The following ZCCHC7 variants were observed in gnomAD, a reference collection of about 807,000 sequenced individuals.
ZCCHC7 encodes zinc finger CCHC domain-containing protein 7.
ZCCHC7 carries 35 observed loss-of-function variants against 52.0 expected under a neutral mutation model. The observed-to-expected ratio is 0.67, with a 90% CI of 0.51 to 0.89. The LOEUF (loss-of-function observed/expected upper bound fraction) is 0.89, where lower values mean the gene tolerates loss of function less well. Ranked by LOEUF, ZCCHC7 falls within the 40% of genes least tolerant of loss-of-function variation. The pLI is 0.00. For synonymous variants in ZCCHC7, 217 were observed against 221.5 expected (o/e 0.98, Z 0.18); for missense variants, 574 against 649.1 (o/e 0.88, Z 1.26).
At chr9:37,251,050 G>A (rs1173180801) in intron 2 of ZCCHC7, among the ~76,000 whole-genome samples, 2 of 152,192 alleles carry the variant, frequency 1.3e-5, no homozygotes, top group East Asian at 3.9e-4. Context: ...CTCAGTCTAG[G>A]CATGATGAGT....
intron 2 of ZCCHC7, among the ~76,000 whole-genome samples, chr9:37,213,925 C>T (rs1824370112): frequency 6.6e-6 from 1 of 151,958 alleles, no homozygotes; most frequent in South Asian, 2.1e-4. Context: ...AGTTGGGAAT[C>T]GGAGATGATA....
At chr9:37,348,130 T>C (rs950316046) in intron 6 of ZCCHC7, among the ~76,000 whole-genome samples, 5 of 152,182 alleles carry the variant, frequency 3.3e-5, no homozygotes, top group African/African-American at 4.8e-5. Context: ...GCTCAGACTC[T>C]TCTGTCTCTA....
intron 6 of ZCCHC7, among the ~76,000 whole-genome samples, chr9:37,332,537 CA>C (rs1275154972): frequency 6.6e-6 from 1 of 151,286 alleles, no homozygotes; most frequent in Non-Finnish European, 1.5e-5. Context: ...TTAAAATTAT[CA>C]TCATAATTTT....
intron 2 of ZCCHC7, among the ~76,000 whole-genome samples, chr9:37,149,909 A>G (rs1449055536): frequency 6.6e-6 from 1 of 152,212 alleles, no homozygotes; most frequent in Admixed American, 6.5e-5. Flanking sequence ...GACGCTGCTA[A>G]AAGAGTCAAA....
intron 6 of ZCCHC7, among the ~76,000 whole-genome samples, chr9:37,337,211 GTT>G (rs1564263464): frequency 1.3e-5 from 2 of 152,098 alleles, no homozygotes; most frequent in African/African-American, 4.8e-5. Context: ...GCACTAAAGA[GTT>G]TATCTGGCTG....
At chr9:37,271,056 C>G (rs1827386682) in intron 2 of ZCCHC7, among the ~76,000 whole-genome samples, 1 of 151,578 alleles carries the variant, frequency 6.6e-6, no homozygotes, top group Non-Finnish European at 1.5e-5. Context: ...GTTTGAACAC[C>G]ACATTTTGCA....
At chr9:37,310,586 G>A (rs978350445) in intron 5 of ZCCHC7, among the ~76,000 whole-genome samples, 1 of 152,084 alleles carries the variant, frequency 6.6e-6, no homozygotes, top group Non-Finnish European at 1.5e-5. Context: ...TAAGTCTAAG[G>A]TCTAAAAGCT....
intron 6 of ZCCHC7, among the ~76,000 whole-genome samples, chr9:37,336,081 A>C (rs1418701394): frequency 6.6e-6 from 1 of 152,188 alleles, no homozygotes; most frequent in Non-Finnish European, 1.5e-5. Context: ...GCTTATGTTA[A>C]TCAGATAAGA....
chr9:37,240,785 A>C (rs192594879), intron 2 of ZCCHC7, among the ~76,000 whole-genome samples: 26 of 151,902 alleles, frequency 1.7e-4, no homozygotes, highest in African/African-American at 6.0e-4. Flanking sequence ...TTAAACAAAA[A>C]ATTTTTTTTC....
intron 2 of ZCCHC7, among the ~76,000 whole-genome samples, chr9:37,253,697 A>G (rs1826438880): frequency 6.6e-6 from 1 of 152,038 alleles, no homozygotes. Flanking sequence ...GGTAACATGA[A>G]TATGAGAGGG....
At chr9:37,193,252 G>T (rs898064004) in intron 2 of ZCCHC7, among the ~76,000 whole-genome samples, 3 of 152,138 alleles carry the variant, frequency 2.0e-5, no homozygotes, top group Non-Finnish European at 4.4e-5. Context: ...AACAGAAAGT[G>T]TTTTAATAAG....
chr9:37,293,356 G>A (rs982968679), intron 2 of ZCCHC7, among the ~76,000 whole-genome samples: 3 of 152,284 alleles, frequency 2.0e-5, no homozygotes, highest in South Asian at 2.1e-4. Flanking sequence ...ACAAGGAAAT[G>A]TTAAAAGAAA....
chr9:37,121,390 GCTC>G (rs1242195712), intron 1 of ZCCHC7, among the ~76,000 whole-genome samples: 2 of 152,172 alleles, frequency 1.3e-5, no homozygotes, highest in African/African-American at 4.8e-5. Flanking sequence ...GTTTCTCTGA[GCTC>G]CTTTCTCCAA....
chr9:37,126,660 G>A lies in ZCCHC7; in HGVS notation c.328G>A (p.Val110Ile). 2 of 1,614,178 alleles carry A rather than the reference G, an allele frequency of 1.2e-6. No individual in the cohort carries two copies. Among genetic ancestry groups the A allele is most frequent in the Non-Finnish European group, 1.7e-6 (2 of 1,180,032 alleles). ...IYRCKGKNVRVQAQENAHGLS... is the reference protein window; with the variant it reads ...IYRCKGKNVRIQAQENAHGLS... ...TAGATGTAAAGGAAAGAATGTTAGA[G>A]TTCAAGCACAAGAAAATGCCCATGG... The change falls in exon 2 of 9, where the codon GTT (valine) becomes ATT (isoleucine). Residue 110 changes from valine (V) to isoleucine (I), a missense_variant. By Grantham distance (29) the Val-to-Ile change is conservative (BLOSUM62 3). This residue lies in a region of ZCCHC7 where 403 missense variants were observed against 461.2 expected (regional missense o/e 0.87). Transcript: ENST00000336755.
chr9:37,157,215 C>T (rs553625035), intron 2 of ZCCHC7, among the ~76,000 whole-genome samples: 1 of 144,720 alleles, frequency 6.9e-6, no homozygotes, highest in Non-Finnish European at 1.5e-5. Context: ...AAAAAAAAGG[C>T]GGCCGGGTGC....
At chr9:37,204,683 A>G (rs888553865) in intron 2 of ZCCHC7, among the ~76,000 whole-genome samples, 1 of 152,168 alleles carries the variant, frequency 6.6e-6, no homozygotes, top group Non-Finnish European at 1.5e-5. Flanking sequence ...TTTTGGTACC[A>G]GTACCATGCT....
chr9:37,123,357 C>T (rs1181454635), intron 1 of ZCCHC7, among the ~76,000 whole-genome samples: 1 of 152,142 alleles, frequency 6.6e-6, no homozygotes, highest in Non-Finnish European at 1.5e-5. Context: ...TTAACCCTGG[C>T]ATACATAAAC....
intron 2 of ZCCHC7, among the ~76,000 whole-genome samples, chr9:37,238,803 G>T (rs930522048): frequency 6.6e-6 from 1 of 151,998 alleles, no homozygotes; most frequent in South Asian, 2.1e-4. Flanking sequence ...TTAACATCAC[G>T]ATTGCAATGA....
intron 2 of ZCCHC7, among the ~76,000 whole-genome samples, chr9:37,176,182 TC>T (rs1390773800): frequency 6.6e-6 from 1 of 152,160 alleles, no homozygotes; most frequent in Non-Finnish European, 1.5e-5. Context: ...CATGCCATTC[TC>T]CTGCCTCAGC....
Sources: allele counts gnomAD v4.1 joint callset (sites outside exome capture counted in the v4.1 genomes callset), GRCh38; gene constraint gnomAD v4.1.1; regional missense constraint gnomAD v4.1.1; transcripts MANE v1.5; gene names NCBI Gene and HGNC (gene_info 2026-07-23, HGNC 2026-07-21).